NALF1: variants seen among roughly 807,000 people sequenced by gnomAD.
The protein encoded by NALF1 is family with sequence similarity 155 member A.
A neutral mutation model predicts 48.4 loss-of-function variants in NALF1; 3 were observed. The observed-to-expected ratio is 0.06, with a 90% CI of 0.03 to 0.16. The LOEUF (loss-of-function observed/expected upper bound fraction) is 0.16. NALF1 is among the 10% of genes least tolerant of loss of function. The pLI, the probability that NALF1 is intolerant of heterozygous loss-of-function variation, is 1.00. For synonymous variants in NALF1, 262 were observed against 245.7 expected (o/e 1.07, Z -0.62); for missense variants, 526 against 571.5 (o/e 0.92, Z 0.81).
chr13:107,720,510 CAAA>C lies in NALF1; in HGVS notation c.915+145169_915+145171del, dbSNP rs56380251. Among the ~76,000 whole-genome samples, 6 of 59,846 alleles carry C rather than the reference CAAA, an allele frequency of 1.0e-4. 1 individual carries two copies. In the South Asian group the frequency reaches 4.1e-3, roughly 40 times the overall value. 39.3% of individuals were successfully genotyped at this position (59,846 alleles called of 152,430 possible). On this transcript the variant is annotated intron_variant, in intron 1 of 2. Coordinates refer to ENST00000375915, the MANE Select transcript of NALF1 (RefSeq NM_001080396.3). Reference sequence around the variant, plus strand: ...TGGGCAACAGAGTGAGACTGCATCTCAAAAAAAAAAAAAAAAAAAAAAAGCATA... The same window carrying C: ...TGGGCAACAGAGTGAGACTGCATCTCAAAAAAAAAAAAAAAAAAAAGCATA...
chr13:107,413,763 G>T (rs1884034921), intron 1 of NALF1, among the ~76,000 whole-genome samples: 1 of 151,790 alleles, frequency 6.6e-6, no homozygotes, highest in Non-Finnish European at 1.5e-5. Flanking sequence ...ATCATTAAAT[G>T]GAATAGTAAT....
At chr13:107,846,479 G>C (rs547223257) in intron 1 of NALF1, among the ~76,000 whole-genome samples, 1 of 152,250 alleles carries the variant, frequency 6.6e-6, no homozygotes, top group South Asian at 2.1e-4. Context: ...GCCTGCCTCA[G>C]TACTCCCATT....
intron 1 of NALF1, among the ~76,000 whole-genome samples, chr13:107,227,896 C>T (rs565204491): frequency 4.1e-4 from 62 of 152,138 alleles, no homozygotes; most frequent in Admixed American, 1.6e-3. Context: ...TCAAGTCTAA[C>T]AAGACTTTGC....
intron 1 of NALF1, among the ~76,000 whole-genome samples, chr13:107,697,052 A>T (rs771992581): frequency 6.6e-6 from 1 of 152,170 alleles, no homozygotes; most frequent in Non-Finnish European, 1.5e-5. Flanking sequence ...ATTACAAGGC[A>T]TAAAAAAAAC....
At chr13:107,185,437 C>T (rs759646207) in intron 2 of NALF1, among the ~76,000 whole-genome samples, 70 of 138,324 alleles carry the variant, frequency 5.1e-4, no homozygotes, top group Non-Finnish European at 1.4e-4. Flanking sequence ...TGACACCTCA[C>T]TTCCCCTGTG....
At chr13:107,325,596 G>C (rs1292128433) in intron 1 of NALF1, among the ~76,000 whole-genome samples, 1 of 151,936 alleles carries the variant, frequency 6.6e-6, no homozygotes, top group Admixed American at 6.6e-5. Flanking sequence ...CCAGCATGTT[G>C]GGAGGCTGAG....
chr13:107,237,681 C>A (rs749513658), intron 1 of NALF1, among the ~76,000 whole-genome samples: 1 of 152,172 alleles, frequency 6.6e-6, no homozygotes, highest in Non-Finnish European at 1.5e-5. Context: ...ATGCAACCAT[C>A]GTAGGCCTGA....
intron 1 of NALF1, among the ~76,000 whole-genome samples, chr13:107,669,350 G>T (rs1294028020): frequency 6.6e-6 from 1 of 152,070 alleles, no homozygotes; most frequent in Non-Finnish European, 1.5e-5. Flanking sequence ...TGCAGCACAC[G>T]CTTGAAAACT....
intron 1 of NALF1, among the ~76,000 whole-genome samples, chr13:107,377,772 T>A (rs1265229040): frequency 1.3e-5 from 2 of 152,186 alleles, no homozygotes. Flanking sequence ...CAAAGTTACA[T>A]GGAAATGCAC....
chr13:107,426,648 T>C (rs1178907524), intron 1 of NALF1, among the ~76,000 whole-genome samples: 1 of 152,182 alleles, frequency 6.6e-6, no homozygotes, highest in East Asian at 1.9e-4. Context: ...GAATGTGGCC[T>C]CCATAAATTG....
At chr13:107,839,125 T>C (rs552591519) in intron 1 of NALF1, among the ~76,000 whole-genome samples, 16 of 152,132 alleles carry the variant, frequency 1.1e-4, no homozygotes, top group African/African-American at 3.6e-4. Flanking sequence ...ATATTTGCTA[T>C]GTAACAAGAC....
chr13:107,502,906 G>GAGTGAC (rs1233312170), intron 1 of NALF1, among the ~76,000 whole-genome samples: 3 of 152,118 alleles, frequency 2.0e-5, no homozygotes, highest in African/African-American at 7.2e-5. Context: ...GGCCATCAAA[G>GAGTGAC]AGTGACAGTT....
At chr13:107,346,149 C>T (rs146540009) in intron 1 of NALF1, among the ~76,000 whole-genome samples, 55 of 151,882 alleles carry the variant, frequency 3.6e-4, no homozygotes, top group African/African-American at 1.3e-3. Context: ...AAACGGGAAA[C>T]ATTGCGTACT....
intron 1 of NALF1, among the ~76,000 whole-genome samples, chr13:107,745,254 G>A (rs1876752180): frequency 6.6e-6 from 1 of 152,164 alleles, no homozygotes; most frequent in Admixed American, 6.5e-5. Flanking sequence ...AAGAATGAAG[G>A]TTGACCCTAT....
In NALF1 at chr13:107,401,069, CA is replaced by C. The variant is rs374213737; in HGVS notation, c.916-190315del. 5.8e-4 allele frequency among the ~76,000 whole-genome samples: 88 copies of C among 152,254 alleles called. 1 individual carries two copies. The East Asian group carries it at 0.015, about 27-fold the overall frequency. ...TGCGTTCCAGTGACCTACTGTCAACCATGCTCTTAAAATATTAAATAAAAAA... is the reference window on the plus strand; with the variant it reads ...TGCGTTCCAGTGACCTACTGTCAACCTGCTCTTAAAATATTAAATAAAAAA... On this transcript the variant is annotated intron_variant, in intron 1 of 2. Coordinates refer to ENST00000375915, the MANE Select transcript of NALF1 (RefSeq NM_001080396.3).
intron 1 of NALF1, among the ~76,000 whole-genome samples, chr13:107,498,215 C>T (rs1875400782): frequency 6.6e-6 from 1 of 152,010 alleles, no homozygotes; most frequent in South Asian, 2.1e-4. Flanking sequence ...AATGAGGGAA[C>T]CAGGAAAATA....
intron 1 of NALF1, among the ~76,000 whole-genome samples, chr13:107,663,729 G>A (rs895100780): frequency 1.9e-4 from 29 of 152,026 alleles, no homozygotes; most frequent in African/African-American, 6.8e-4. Flanking sequence ...ACCAAGTTTC[G>A]TAGTGAATTC....
At chr13:107,470,361 C>A (rs961219036) in intron 1 of NALF1, among the ~76,000 whole-genome samples, 2 of 152,164 alleles carry the variant, frequency 1.3e-5, no homozygotes, top group South Asian at 4.1e-4. Context: ...TCAGGCAGAA[C>A]ATAAGTCTCA....
At chr13:107,335,283 C>A (rs994698179) in intron 1 of NALF1, among the ~76,000 whole-genome samples, 1 of 151,978 alleles carries the variant, frequency 6.6e-6, no homozygotes, top group Non-Finnish European at 1.5e-5. Flanking sequence ...ACATCAGATT[C>A]CTCAGGCCTT....
Sources: gnomAD v4.1 joint callset for allele counts (sites outside exome capture counted in the v4.1 genomes callset) on GRCh38, gnomAD v4.1.1 for gene constraint, MANE v1.5 for transcripts, NCBI Gene and HGNC (gene_info 2026-07-23, HGNC 2026-07-21) for gene names.